KCNT2: variants seen among roughly 807,000 people sequenced by gnomAD.
KCNT2 encodes the protein potassium sodium-activated channel subfamily T member 2.
Under a neutral mutation model 153.8 loss-of-function variants are expected in KCNT2, and 67 were observed. The observed-to-expected ratio is 0.44, with a 90% CI of 0.36 to 0.53. KCNT2 has a LOEUF of 0.53. Among genes scored for constraint, KCNT2 ranks in the 20% least tolerant of loss-of-function variants. The pLI, the probability that KCNT2 is intolerant of heterozygous loss-of-function variation, is 0.00. For missense variants in KCNT2, 975 were observed against 1,354.8 expected (o/e 0.72, Z 4.40); for synonymous variants, 500 against 458.8 (o/e 1.09, Z -1.15).
At chr1:196,375,452 T>A (rs1668876797) in intron 13 of KCNT2, among the ~76,000 whole-genome samples, 1 of 151,828 alleles carries the variant, frequency 6.6e-6, no homozygotes, top group Non-Finnish European at 1.5e-5. Context: ...AATTTTACTT[T>A]ATTATGTTTA....
intron 1 of KCNT2, among the ~76,000 whole-genome samples, chr1:196,505,313 T>A (rs1310865704): frequency 6.6e-6 from 1 of 152,206 alleles, no homozygotes; most frequent in Non-Finnish European, 1.5e-5. Context: ...GGCTAACCAG[T>A]TTTCCCGGCA....
At chr1:196,497,495 G>A (rs1017585863) in intron 1 of KCNT2, among the ~76,000 whole-genome samples, 1 of 151,962 alleles carries the variant, frequency 6.6e-6, no homozygotes, top group Non-Finnish European at 1.5e-5. Flanking sequence ...TATAATGGAG[G>A]CTGTACATAG....
At chr1:196,262,056 T>C (rs748939367) in intron 25 of KCNT2, among the ~76,000 whole-genome samples, 9 of 151,884 alleles carry the variant, frequency 5.9e-5, no homozygotes, top group Non-Finnish European at 1.0e-4. Context: ...AGGCTAAAAG[T>C]ATTTCTTCAC....
intron 1 of KCNT2, among the ~76,000 whole-genome samples, chr1:196,492,779 G>A (rs1290430509): frequency 6.6e-6 from 1 of 152,044 alleles, no homozygotes; most frequent in Non-Finnish European, 1.5e-5. Context: ...GGGCACCACC[G>A]TGCCAGATCT....
At chr1:196,536,620 C>G (rs1184498018) in intron 1 of KCNT2, among the ~76,000 whole-genome samples, 1 of 152,198 alleles carries the variant, frequency 6.6e-6, no homozygotes, top group East Asian at 1.9e-4. Context: ...TTATACTCAG[C>G]ATACTCCACT....
intron 14 of KCNT2, among the ~76,000 whole-genome samples, chr1:196,370,813 T>G (rs1204097105): frequency 6.6e-6 from 1 of 151,996 alleles, no homozygotes; most frequent in African/African-American, 2.4e-5. Context: ...CACCAACTGA[T>G]GAGTGGAAAA....
At chr1:196,293,701 A>C (rs923711149) in intron 22 of KCNT2, among the ~76,000 whole-genome samples, 3 of 152,178 alleles carry the variant, frequency 2.0e-5, no homozygotes, top group Admixed American at 6.5e-5. Flanking sequence ...CTTAAATGTA[A>C]GGCCAGAAAT....
In KCNT2 at chr1:196,451,217, C is replaced by CTTTTTTTTTTTTTTT. The variant is rs561944079; in HGVS notation, c.638+14061_638+14075dup. Reference sequence around the variant, plus strand: ...GCTATATCCCTCTTAATCCCTCTTTCTTTTTTTTTTTTTTTTTTTTTTTTT... The same window carrying CTTTTTTTTTTTTTTT: ...GCTATATCCCTCTTAATCCCTCTTTCTTTTTTTTTTTTTTTTTTTTTTTTTTTTTTTTTTTTTTTT... On this transcript the variant is annotated intron_variant, in intron 8 of 27. Coordinates refer to ENST00000294725, the MANE Select transcript of KCNT2 (RefSeq NM_198503.5). Among the ~76,000 whole-genome samples, 2 of 63,552 alleles carry CTTTTTTTTTTTTTTT rather than the reference C, an allele frequency of 3.1e-5. 1 individual carries two copies. Among genetic ancestry groups the CTTTTTTTTTTTTTTT allele is most frequent in the Non-Finnish European group, 6.1e-5 (2 of 32,688 alleles). 41.7% of individuals were successfully genotyped at this position (63,552 alleles called of 152,430 possible). A position where few individuals can be genotyped will look rare whatever the true frequency, so the allele number is the denominator to read the frequency against.
At chr1:196,526,015 C>CTGTGTGTGTGTGTGTGTGTGTGTG (rs369541629) in intron 1 of KCNT2, among the ~76,000 whole-genome samples, 1 of 140,066 alleles carries the variant, frequency 7.1e-6, no homozygotes, top group Non-Finnish European at 1.6e-5. Context: ...AGAACTGACT[C>CTGTGTGTGTGTGTGTGTGTGTGTG]TGTGTGTGTG....
intron 3 of KCNT2, among the ~76,000 whole-genome samples, chr1:196,488,862 G>A (rs1471982129): frequency 6.6e-6 from 1 of 152,032 alleles, no homozygotes; most frequent in South Asian, 2.1e-4. Flanking sequence ...AGAAAGGACT[G>A]ATAAGTGAAT....
intron 1 of KCNT2, among the ~76,000 whole-genome samples, chr1:196,586,828 T>C (rs537202016): frequency 6.6e-6 from 1 of 152,250 alleles, no homozygotes; most frequent in East Asian, 1.9e-4. Flanking sequence ...TCTTATTTTA[T>C]TGATAAAATG....
chr1:196,586,823 T>A (rs12127468), intron 1 of KCNT2, among the ~76,000 whole-genome samples: 3,278 of 152,238 alleles, frequency 0.022, 109 homozygotes, highest in African/African-American at 0.075. Context: ...TGAGCTCTTA[T>A]TTTATTGATA....
intron 7 of KCNT2, 76 bp downstream of exon 7, chr1:196,467,627 T>C: frequency 2.2e-6 from 2 of 920,894 alleles, no homozygotes; most frequent in Admixed American, 2.1e-5. Flanking sequence ...ATTCTCTCTC[T>C]CTGTTTAATC....
At chr1:196,249,385 A>G (rs543962452) in intron 26 of KCNT2, among the ~76,000 whole-genome samples, 61 of 152,322 alleles carry the variant, frequency 4.0e-4, no homozygotes, top group Middle Eastern at 6.8e-3. Flanking sequence ...TGCAGATGAT[A>G]TGCTCTTCTA....
chr1:196,595,740 T>C (rs1420385214), intron 1 of KCNT2, among the ~76,000 whole-genome samples: 1 of 152,086 alleles, frequency 6.6e-6, no homozygotes, highest in Non-Finnish European at 1.5e-5. Context: ...TTTGGTTATG[T>C]GGATAAGTGT....
At chr1:196,423,788 G>A (rs1673415282) in intron 11 of KCNT2, among the ~76,000 whole-genome samples, 1 of 150,746 alleles carries the variant, frequency 6.6e-6, no homozygotes, top group Admixed American at 6.6e-5. Context: ...CTTGAAATAA[G>A]ACCAAACCAA....
At chr1:196,561,438 T>G (rs1659369150) in intron 1 of KCNT2, among the ~76,000 whole-genome samples, 1 of 150,984 alleles carries the variant, frequency 6.6e-6, no homozygotes, top group Non-Finnish European at 1.5e-5. Flanking sequence ...ATATCTCATA[T>G]ATAAGATCAA....
chr1:196,488,807 C>T (rs1416091118), intron 3 of KCNT2, among the ~76,000 whole-genome samples: 1 of 151,850 alleles, frequency 6.6e-6, no homozygotes, highest in Non-Finnish European at 1.5e-5. Flanking sequence ...AGTGTGAGAG[C>T]TATGGAGGAA....
intron 27 of KCNT2, 105 bp downstream of exon 27, chr1:196,235,881 A>T (rs1260943061): frequency 3.0e-6 from 2 of 664,060 alleles, no homozygotes; most frequent in African/African-American, 3.7e-5. Flanking sequence ...CTATTTAAGC[A>T]CTTATAAGAA....
Sources: gnomAD v4.1 joint callset for allele counts (sites outside exome capture counted in the v4.1 genomes callset) on GRCh38, gnomAD v4.1.1 for gene constraint, MANE v1.5 for transcripts, NCBI Gene and HGNC (gene_info 2026-07-23, HGNC 2026-07-21) for gene names.